Variants in ZSCAN18 observed in about 807,000 individuals in gnomAD.
ZSCAN18 encodes zinc finger and SCAN domain containing 18, also known as zinc finger and SCAN domain-containing protein 18.
A neutral mutation model predicts 31.1 loss-of-function variants in ZSCAN18; 16 were observed. The observed-to-expected ratio is 0.51, with a 90% CI of 0.35 to 0.78. The LOEUF (loss-of-function observed/expected upper bound fraction) is 0.78. ZSCAN18 is among the 30% of genes least tolerant of loss of function. The pLI, the probability that ZSCAN18 is intolerant of heterozygous loss-of-function variation, is 0.01. For missense variants in ZSCAN18, 731 were observed against 697.4 expected (o/e 1.05, Z -0.54); for synonymous variants, 375 against 320.7 (o/e 1.17, Z -1.81).
chr19:58,116,594 C>T (rs2074731847), intron 1 of ZSCAN18, among the ~76,000 whole-genome samples: 1 of 152,144 alleles, frequency 6.6e-6, no homozygotes, highest in Admixed American at 6.6e-5. Context: ...AACTCAAAAG[C>T]CAAGCAACCT....
At chr19:58,101,123 C>T (rs1446668876), upstream of ZSCAN18, among the ~76,000 whole-genome samples, 1 of 133,850 alleles carries the variant, frequency 7.5e-6, no homozygotes, top group African/African-American at 2.7e-5. Context: ...TTATTCCTCC[C>T]ACTTTTTTTT....
At chr19:58,088,358 G>A (rs2074328433) in intron 3 of ZSCAN18, 2 of 237,192 alleles carry the variant, frequency 8.4e-6, no homozygotes, top group Non-Finnish European at 1.7e-5. Flanking sequence ...TGTGTGATGT[G>A]CAGGGAGACA....
chr19:58,092,672 T>C (rs974149389), intron 1 of ZSCAN18: 1 of 983,722 alleles, frequency 1.0e-6, no homozygotes, highest in Non-Finnish European at 1.2e-6. Flanking sequence ...AGTGCGGAAC[T>C]CTTAAGTGCT....
In ZSCAN18 at chr19:58,085,214, G is replaced by A. The variant is rs565934127; in HGVS notation, c.1004C>T (p.Pro335Leu). 6.2e-6 allele frequency: 10 copies of A among 1,608,832 alleles called. No homozygotes were observed. The East Asian group carries it at 2.0e-4, about 32-fold the overall frequency. Residue 335 changes from proline (P) to leucine (L), a missense_variant, in exon 7 of 7, where the codon CCG becomes CTG. This residue lies in a region of ZSCAN18 where 597 missense variants were observed against 499.5 expected (regional missense o/e 1.20). Transcript: ENST00000601144. ...GGACTCCGCGTCCTGGGGGTCCTGCGGGTCCGGGGCCTTCCCAGGCTGCTC... is the reference window on the plus strand; with the variant it reads ...GGACTCCGCGTCCTGGGGGTCCTGCAGGTCCGGGGCCTTCCCAGGCTGCTC... ...EEEQPGKAPD[P>L]QDPQDAESDS...
chr19:58,118,185 G>A lies in ZSCAN18; in HGVS notation c.130+82C>T, dbSNP rs2074748607. 12 of 658,496 alleles carry A rather than the reference G, an allele frequency of 1.8e-5. No homozygotes were observed. The South Asian group carries it at 3.1e-4, about 17-fold the overall frequency. The allele number at this position is 658,496 out of a possible 1,614,324, so 40.8% of individuals were successfully genotyped here. ...CTAACAAGCCCCTGCCCAGAGCAGG[G>A]CTGCCGCGTACCCTCACAGACAGAA... On this transcript the variant is annotated intron_variant, in intron 1 of 1. Coordinates refer to the ZSCAN18 transcript ENST00000595721.
chr19:58,084,720 C>T lies in ZSCAN18; in HGVS notation c.1498G>A (p.Glu500Lys), dbSNP rs2145958384. 6.6e-7 allele frequency: 1 copy of T among 1,515,462 alleles called. No individual in the cohort carries two copies. Among genetic ancestry groups the T allele is most frequent in the Non-Finnish European group, 8.8e-7 (1 of 1,141,864 alleles). The allele number at this position is 1,515,462 out of a possible 1,614,324, so 93.9% of individuals were successfully genotyped here. A position where few individuals can be genotyped will look rare whatever the true frequency, so the allele number is the denominator to read the frequency against. The change falls in exon 7 of 7, where the codon GAG becomes AAG. Residue 500 changes from glutamate (E) to lysine (K), a missense_variant. By Grantham distance (56) the Glu-to-Lys change is moderately conservative. Around this residue, in one of 4 missense-constraint regions of ZSCAN18, gnomAD observed 597 missense variants for 499.5 expected, o/e 1.20. Transcript: ENST00000601144. The surrounding 1 kb of genome is among the most constrained non-coding windows in gnomAD (Gnocchi z 4.5). ...AGGPPESVEG[E>K]APPAPPEAQR Reference sequence around the variant, plus strand: ...GCCTCTGGGGGTGCGGGGGGAGCCTCGCCCTCCACGCTCTCTGGGGGACCG... The same window carrying T: ...GCCTCTGGGGGTGCGGGGGGAGCCTTGCCCTCCACGCTCTCTGGGGGACCG...
chr19:58,103,494 C>T (rs1202824912), intron 1 of ZSCAN18, among the ~76,000 whole-genome samples: 1 of 152,144 alleles, frequency 6.6e-6, no homozygotes. Context: ...GATCTGTGAT[C>T]AGTAATTTTT....
chr19:58,100,413 C>A (rs1293340338), upstream of ZSCAN18, among the ~76,000 whole-genome samples: 1 of 152,194 alleles, frequency 6.6e-6, no homozygotes, highest in Non-Finnish European at 1.5e-5. Flanking sequence ...CCAGCTCTCT[C>A]AATCGTGGGG....
chr19:58,105,377 G>A (rs1353229506), intron 1 of ZSCAN18, among the ~76,000 whole-genome samples: 1 of 152,216 alleles, frequency 6.6e-6, no homozygotes, highest in Non-Finnish European at 1.5e-5. Flanking sequence ...TAAGAATGCA[G>A]TTTAGCTGGC....
At chr19:58,117,667 G>C (rs542512490) in intron 1 of ZSCAN18, among the ~76,000 whole-genome samples, 1 of 150,788 alleles carries the variant, frequency 6.6e-6, no homozygotes, top group Non-Finnish European at 1.5e-5. Flanking sequence ...TGCAGGAAGA[G>C]AGGAGGGGTC....
intron 1 of ZSCAN18, among the ~76,000 whole-genome samples, chr19:58,104,376 C>T (rs61658991): frequency 0.073 from 10,488 of 143,666 alleles, 1,306 homozygotes; most frequent in African/African-American, 0.25. Flanking sequence ...GAGGCTGTCT[C>T]AAAAACAAAA....
chr19:58,108,959 T>C (rs1600010867), intron 1 of ZSCAN18: 9 of 1,122,516 alleles, frequency 8.0e-6, no homozygotes, highest in East Asian at 9.1e-5. Context: ...TTCTGACAAT[T>C]ATGTATGTAA....
chr19:58,086,843 T>G, intron 5 of ZSCAN18, 63 bp downstream of exon 5: 1 of 1,337,088 alleles, frequency 7.5e-7, no homozygotes, highest in Non-Finnish European at 1.1e-6. Flanking sequence ...CACAGTCTCC[T>G]GCACCAACCC....
chr19:58,108,560 TAGAG>T (rs1177760752), intron 1 of ZSCAN18: 13 of 985,844 alleles, frequency 1.3e-5, no homozygotes, highest in African/African-American at 1.7e-5. Context: ...TTGTAATTCT[TAGAG>T]AGGGATTTTC....
upstream of ZSCAN18, among the ~76,000 whole-genome samples, chr19:58,100,986 T>C (rs969052276): frequency 1.3e-5 from 2 of 152,220 alleles, no homozygotes; most frequent in African/African-American, 4.8e-5. Context: ...CTTTTGCTCC[T>C]TAAAAAATCA....
rs1169905921 is a variant in ZSCAN18, at chr19:58,104,381, ACAAAACAAAAC to A, written c.130+13875_130+13885del. ...GCAACAGAGTGAGGCTGTCTCAAAA[ACAAAACAAAAC>A]AAAACAAAACAAAAAAAAAGTCTGG... On this transcript the variant is annotated intron_variant, in intron 1 of 1. Coordinates refer to the ZSCAN18 transcript ENST00000595721. Among the ~76,000 whole-genome samples the A allele has an allele frequency of 5.4e-3, 616 of 113,076 alleles. 7 individuals carry two copies. The highest frequency in any genetic ancestry group is 0.014 in the African/African-American group (531 of 37,078). 74.2% of individuals were successfully genotyped at this position (113,076 alleles called of 152,430 possible). A position where few individuals can be genotyped will look rare whatever the true frequency, so the allele number is the denominator to read the frequency against.
At chr19:58,100,524 T>A (rs895038116), upstream of ZSCAN18, among the ~76,000 whole-genome samples, 5 of 152,140 alleles carry the variant, frequency 3.3e-5, no homozygotes, top group African/African-American at 1.2e-4. Flanking sequence ...TCAGGTGTGG[T>A]CGAAACGGGC....
intron 3 of ZSCAN18, chr19:58,087,864 G>A (rs1325658029): frequency 6.1e-6 from 1 of 163,526 alleles, no homozygotes; most frequent in Non-Finnish European, 1.3e-5. Context: ...GGTCTCGAAT[G>A]CCCGGGCTCA....
In ZSCAN18 at chr19:58,098,160, C is replaced by T. The variant is rs1037013631; in HGVS notation, c.-120+14G>A. The T allele has an allele frequency of 1.0e-6, 1 of 985,548 alleles. No individual in the cohort carries two copies. The highest frequency in any genetic ancestry group is 1.2e-6 in the Non-Finnish European group (1 of 830,042). 61.1% of individuals were successfully genotyped at this position (985,548 alleles called of 1,614,324 possible). ...CTCTCTGACCCCCGCGCTGCATCCCCGGGACCGACCCACCTGCTGCGCAGC... is the reference window on the plus strand; with the variant it reads ...CTCTCTGACCCCCGCGCTGCATCCCTGGGACCGACCCACCTGCTGCGCAGC... On this transcript the variant is annotated intron_variant, in intron 1 of 6. Transcript: ENST00000601144.
Sources: gnomAD v4.1 joint callset for allele counts (sites outside exome capture counted in the v4.1 genomes callset) on GRCh38, gnomAD v4.1.1 for gene constraint, gnomAD v4.1.1 regional missense constraint, Gnocchi (gnomAD v3.1) non-coding constraint, MANE v1.5 for transcripts, NCBI Gene and HGNC (gene_info 2026-07-23, HGNC 2026-07-21) for gene names.